The following CA10 variants were observed in gnomAD, a reference collection of about 807,000 sequenced individuals.
CA10 encodes carbonic anhydrase 10 (inactive), also known as carbonic anhydrase-related protein 10.
Under a neutral mutation model 44.2 loss-of-function variants are expected in CA10, and 14 were observed. The ratio of observed to expected loss-of-function variants is 0.32; its 90% CI spans 0.21 to 0.50. The LOEUF (loss-of-function observed/expected upper bound fraction) is 0.50, where lower values mean the gene tolerates loss of function less well. Ranked by LOEUF, CA10 falls within the 20% of genes least tolerant of loss-of-function variation. The pLI is 0.99. For missense variants in CA10, 350 were observed against 409.7 expected, an observed-to-expected ratio of 0.85 and a Z score of 1.26; for synonymous variants, 159 against 141.6, an observed-to-expected ratio of 1.12 and a Z score of -0.87.
At chr17:52,008,949 T>C (rs903192977) in intron 2 of CA10, among the ~76,000 whole-genome samples, 2 of 151,956 alleles carry the variant, frequency 1.3e-5, no homozygotes, top group African/African-American at 4.8e-5. Context: ...TAGGAAGTGC[T>C]TCTTATCTTT....
chr17:52,153,138 A>G (rs2143417158), intron 1 of CA10, among the ~76,000 whole-genome samples: 1 of 152,158 alleles, frequency 6.6e-6, no homozygotes, highest in Non-Finnish European at 1.5e-5. Context: ...TCACATCAAC[A>G]TTTATTTTTT....
chr17:52,131,236 G>T (rs964433330), intron 1 of CA10, among the ~76,000 whole-genome samples: 1 of 151,994 alleles, frequency 6.6e-6, no homozygotes, highest in African/African-American at 2.4e-5. Context: ...AACCAAGGAG[G>T]CCTCATACTT....
At chr17:52,072,538 CCTTT>C (rs970871384) in intron 1 of CA10, 145 bp from the exon 2 acceptor site, 11 of 408,664 alleles carry the variant, frequency 2.7e-5, no homozygotes, top group Middle Eastern at 3.0e-4. Context: ...TTCTCCCTTC[CCTTT>C]TTTTTTTCAA....
At chr17:51,702,314 G>T (rs1051405871) in intron 4 of CA10, among the ~76,000 whole-genome samples, 21 of 152,134 alleles carry the variant, frequency 1.4e-4, no homozygotes, top group African/African-American at 3.9e-4. Context: ...GGTAGACCCA[G>T]ATTCAGATCC....
intron 3 of CA10, among the ~76,000 whole-genome samples, chr17:51,879,229 G>C (rs573187040): frequency 6.6e-6 from 1 of 152,124 alleles, no homozygotes; most frequent in African/African-American, 2.4e-5. Context: ...ATTGTCCACT[G>C]AACATGGTGT....
chr17:52,133,117 C>G (rs966040600), intron 1 of CA10, among the ~76,000 whole-genome samples: 1 of 152,194 alleles, frequency 6.6e-6, no homozygotes, highest in African/African-American at 2.4e-5. Context: ...GCCTCACCTT[C>G]TTGGTGAGCA....
chr17:51,815,842 T>C (rs1907545289), intron 3 of CA10, among the ~76,000 whole-genome samples: 1 of 152,106 alleles, frequency 6.6e-6, no homozygotes, highest in Non-Finnish European at 1.5e-5. Flanking sequence ...CGAGATGTTT[T>C]GATACAGGCT....
At chr17:51,752,694 C>T (rs867065972) in intron 3 of CA10, among the ~76,000 whole-genome samples, 1 of 152,006 alleles carries the variant, frequency 6.6e-6, no homozygotes, top group Non-Finnish European at 1.5e-5. Context: ...TTTGGGAGGT[C>T]GAGGCAGGCG....
At chr17:52,082,676 A>C (rs948466380) in intron 1 of CA10, among the ~76,000 whole-genome samples, 10 of 152,218 alleles carry the variant, frequency 6.6e-5, no homozygotes, top group African/African-American at 2.2e-4. Context: ...ATTGCCACAA[A>C]AGTATAAATT....
chr17:52,054,968 G>T (rs1598189984), intron 2 of CA10, among the ~76,000 whole-genome samples: 1 of 151,948 alleles, frequency 6.6e-6, no homozygotes, highest in African/African-American at 2.4e-5. Context: ...TTTTTGCCAG[G>T]CATTGTTCTT....
intron 3 of CA10, among the ~76,000 whole-genome samples, chr17:51,850,469 T>C (rs1487126192): frequency 6.6e-6 from 1 of 152,128 alleles, no homozygotes; most frequent in Non-Finnish European, 1.5e-5. Context: ...GAGAACAGAA[T>C]GAGATTTCTT....
intron 3 of CA10, among the ~76,000 whole-genome samples, chr17:51,783,295 A>G (rs992562879): frequency 6.6e-6 from 1 of 152,220 alleles, no homozygotes. Context: ...TCATTGCTCT[A>G]TTCTCAAAAT....
intron 2 of CA10, among the ~76,000 whole-genome samples, chr17:52,010,886 G>T (rs1338975386): frequency 1.1e-4 from 17 of 150,126 alleles, no homozygotes; most frequent in Non-Finnish European, 1.5e-5. Context: ...TATCATTAAG[G>T]TTTAAATTCA....
chr17:51,962,242 G>A (rs1183674329), intron 2 of CA10, among the ~76,000 whole-genome samples: 1 of 152,202 alleles, frequency 6.6e-6, no homozygotes, highest in Non-Finnish European at 1.5e-5. Context: ...AGGAGTTTAG[G>A]CTGACCTTGC....
At chr17:52,100,336 A>G (rs1988508159) in intron 1 of CA10, among the ~76,000 whole-genome samples, 1 of 152,168 alleles carries the variant, frequency 6.6e-6, no homozygotes, top group Non-Finnish European at 1.5e-5. Flanking sequence ...AGAGATACAG[A>G]TAGTTTATTT....
At chr17:51,716,462 T>C (rs1345411917) in intron 4 of CA10, among the ~76,000 whole-genome samples, 1 of 152,060 alleles carries the variant, frequency 6.6e-6, no homozygotes, top group Non-Finnish European at 1.5e-5. Flanking sequence ...AAATGATATT[T>C]ATTCAGAGAA....
intron 2 of CA10, among the ~76,000 whole-genome samples, chr17:51,948,899 C>T (rs1053951462): frequency 2.4e-4 from 37 of 152,022 alleles, no homozygotes; most frequent in African/African-American, 7.5e-4. Context: ...TATGATTAAT[C>T]TGCATCTATT....
At chr17:51,928,931 G>A (rs2143989299) in intron 3 of CA10, among the ~76,000 whole-genome samples, 1 of 152,200 alleles carries the variant, frequency 6.6e-6, no homozygotes, top group African/African-American at 2.4e-5. Context: ...AAATGCAAAA[G>A]GAACCATCAG....
chr17:52,103,678 T>C (rs1988592245), intron 1 of CA10, among the ~76,000 whole-genome samples: 1 of 152,258 alleles, frequency 6.6e-6, no homozygotes, highest in Non-Finnish European at 1.5e-5. Flanking sequence ...CGTTTGTCTT[T>C]AGTCACAAAG....
Sources: allele counts gnomAD v4.1 joint callset (sites outside exome capture counted in the v4.1 genomes callset), GRCh38; gene constraint gnomAD v4.1.1; transcripts MANE v1.5; gene names NCBI Gene and HGNC (gene_info 2026-07-23, HGNC 2026-07-21).